The following GRIA2 variants were observed in gnomAD, a reference collection of about 807,000 sequenced individuals.
GRIA2 encodes glutamate receptor 2.
A neutral mutation model predicts 97.3 loss-of-function variants in GRIA2; 14 were observed. The ratio of observed to expected loss-of-function variants is 0.14; its 90% CI spans 0.10 to 0.23. The LOEUF is 0.23. Among genes scored for constraint, GRIA2 ranks in the 10% least tolerant of loss-of-function variants. The pLI, the probability that GRIA2 is intolerant of heterozygous loss-of-function variation, is 1.00. For missense variants in GRIA2, 558 were observed against 1,069.8 expected, an observed-to-expected ratio of 0.52 and a Z score of 6.67; for synonymous variants, 412 against 387.8, an observed-to-expected ratio of 1.06 and a Z score of -0.73.
chr4:157,351,006 T>C (rs1254270250), intron 12 of GRIA2, among the ~76,000 whole-genome samples: 3 of 150,732 alleles, frequency 2.0e-5, no homozygotes, highest in African/African-American at 7.3e-5. Flanking sequence ...ACAGTAGTAA[T>C]ATCTGCAAAT....
intron 2 of GRIA2, among the ~76,000 whole-genome samples, chr4:157,231,337 T>A (rs1730010426): frequency 6.6e-6 from 1 of 151,932 alleles, no homozygotes; most frequent in Non-Finnish European, 1.5e-5. Flanking sequence ...CCATGCCTGG[T>A]CGCAATTTTA....
intron 2 of GRIA2, among the ~76,000 whole-genome samples, chr4:157,271,716 G>T (rs1445134596): frequency 2.0e-5 from 3 of 152,094 alleles, no homozygotes; most frequent in Non-Finnish European, 4.4e-5. Flanking sequence ...GAGGTTGTGG[G>T]TGGAGTTAAA....
At chr4:157,313,783 G>T (rs753565276) in intron 4 of GRIA2, among the ~76,000 whole-genome samples, 1 of 151,704 alleles carries the variant, frequency 6.6e-6, no homozygotes, top group Non-Finnish European at 1.5e-5. Context: ...ACATATATAT[G>T]TGCACATATA....
At chr4:157,333,491 GT>G (rs201857354) in intron 8 of GRIA2, 138 bp downstream of exon 8, 14 of 419,468 alleles carry the variant, frequency 3.3e-5, no homozygotes, top group Admixed American at 8.3e-5. Flanking sequence ...ATATTTTGAA[GT>G]TTTTTTTTCC....
Position 157,364,433 on chromosome 4 carries a change from C to A in GRIA2, c.*1002C>A, listed in dbSNP as rs981572346. 1 of 151,486 alleles carries A rather than the reference C, an allele frequency of 6.6e-6. No homozygotes were observed. Among genetic ancestry groups the A allele is most frequent in the African/African-American group, 2.4e-5 (1 of 41,258 alleles). 9.4% of individuals were successfully genotyped at this position (151,486 alleles called of 1,614,324 possible). A position where few individuals can be genotyped will look rare whatever the true frequency, so the allele number is the denominator to read the frequency against. ...GATTTTTCAAATGTAATCTTGCCCC[C>A]AAAGTAATATCTGAATATCTTTTTG... On this transcript the variant is annotated 3_prime_UTR_variant, in exon 16 of 16. Transcript: ENST00000264426.
At chr4:157,235,574 G>C (rs181362789) in intron 2 of GRIA2, among the ~76,000 whole-genome samples, 206 of 152,120 alleles carry the variant, frequency 1.4e-3, no homozygotes, top group African/African-American at 4.7e-3. Context: ...AAGGTGAAAA[G>C]CCATCATCTT....
At chr4:157,349,748 T>A (rs1296436426) in intron 12 of GRIA2, among the ~76,000 whole-genome samples, 2 of 152,130 alleles carry the variant, frequency 1.3e-5, no homozygotes, top group Admixed American at 1.3e-4. Context: ...CATAATTATT[T>A]TCACTTTTTA....
At chr4:157,249,740 C>T (rs1211613018) in intron 2 of GRIA2, 1 of 152,044 alleles carries the variant, frequency 6.6e-6, no homozygotes, top group African/African-American at 2.4e-5. Flanking sequence ...AGGTCTGAGC[C>T]CATTGTAGAC....
At chr4:157,221,200 A>C in intron 1 of GRIA2, 70 bp downstream of exon 1, 1 of 829,750 alleles carries the variant, frequency 1.2e-6, no homozygotes, top group African/African-American at 1.7e-5. Flanking sequence ...ACAGTGTACA[A>C]ATTAATTCAT....
chr4:157,335,957 T>A, intron 10 of GRIA2, 80 bp downstream of exon 10: 1 of 893,256 alleles, frequency 1.1e-6, no homozygotes, highest in Non-Finnish European at 1.8e-6. Context: ...CTGTGAAGTA[T>A]CTATATCTGA....
chr4:157,273,520 CATAG>C (rs1732130627), intron 2 of GRIA2, among the ~76,000 whole-genome samples: 1 of 151,762 alleles, frequency 6.6e-6, no homozygotes, highest in African/African-American at 2.4e-5. Context: ...ATAACGTAAG[CATAG>C]ATAGAAATTC....
chr4:157,310,110 A>C (rs1360939414), intron 3 of GRIA2, among the ~76,000 whole-genome samples: 3 of 152,208 alleles, frequency 2.0e-5, no homozygotes, highest in Non-Finnish European at 2.9e-5. Context: ...TAGCTGTCGA[A>C]TTGATCATAA....
chr4:157,347,384 T>C (rs933544739), intron 12 of GRIA2, among the ~76,000 whole-genome samples: 2 of 152,190 alleles, frequency 1.3e-5, no homozygotes, highest in Non-Finnish European at 1.5e-5. Context: ...CTAAATAATT[T>C]GACTAATAAG....
chr4:157,291,210 T>C (rs867496368), intron 2 of GRIA2, among the ~76,000 whole-genome samples: 4 of 151,964 alleles, frequency 2.6e-5, no homozygotes, highest in South Asian at 4.1e-4. Context: ...CTTCACGCTC[T>C]TTCCCGAATG....
chr4:157,317,591 T>C, intron 4 of GRIA2, 67 bp from the exon 5 acceptor site: 1 of 672,788 alleles, frequency 1.5e-6, no homozygotes, highest in Admixed American at 2.3e-5. Flanking sequence ...AATCAGATCA[T>C]AATACCATTA....
chr4:157,263,508 C>G lies in GRIA2; in HGVS notation c.230-40044C>G, dbSNP rs1298799961. Among the ~76,000 whole-genome samples, 3 of 151,896 alleles carry G rather than the reference C, an allele frequency of 2.0e-5. No individual in the cohort carries two copies. In the East Asian group the frequency reaches 5.8e-4, roughly 29 times the overall value. On this transcript the variant is annotated intron_variant, in intron 2 of 15. Coordinates refer to ENST00000264426, the MANE Select transcript of GRIA2 (RefSeq NM_001083619.3). ...AGAGCTCATGTATTATAATTCTATT[C>G]TATTTTATTGGAATTAATTCAGAAA...
At chr4:157,349,650 G>A (rs1266007270) in intron 12 of GRIA2, among the ~76,000 whole-genome samples, 1 of 151,992 alleles carries the variant, frequency 6.6e-6, no homozygotes, top group African/African-American at 2.4e-5. Context: ...AACCAACTGT[G>A]CTGGCCTTAA....
intron 2 of GRIA2, among the ~76,000 whole-genome samples, chr4:157,255,122 T>G (rs1477804849): frequency 2.0e-5 from 3 of 152,032 alleles, no homozygotes; most frequent in African/African-American, 7.2e-5. Flanking sequence ...CCACACTCTA[T>G]GGCCATGTTG....
chr4:157,234,796 G>C (rs972020890), intron 2 of GRIA2, among the ~76,000 whole-genome samples: 15 of 152,082 alleles, frequency 9.9e-5, no homozygotes, highest in Non-Finnish European at 1.6e-4. Context: ...TCTGCTGAAA[G>C]GTCTGGAAGG....
Sources: allele counts gnomAD v4.1 joint callset (sites outside exome capture counted in the v4.1 genomes callset), GRCh38; gene constraint gnomAD v4.1.1; transcripts MANE v1.5; gene names NCBI Gene and HGNC (gene_info 2026-07-23, HGNC 2026-07-21).